INPP4B: variants seen among roughly 807,000 people sequenced by gnomAD.
The protein encoded by INPP4B is inositol polyphosphate 4-phosphatase type II.
INPP4B carries 55 observed loss-of-function variants against 122.5 expected under a neutral mutation model. The ratio of observed to expected loss-of-function variants is 0.45; its 90% CI spans 0.36 to 0.56. INPP4B has a LOEUF of 0.56. Ranked by LOEUF, INPP4B falls within the 20% of genes least tolerant of loss-of-function variation. The probability of loss-of-function intolerance (pLI) is 0.00; values close to 1 mark genes in which losing one functional copy is unlikely to be tolerated. For synonymous variants in INPP4B, 403 were observed against 388.7 expected, an observed-to-expected ratio of 1.04 and a Z score of -0.43; for missense variants, 1,000 against 1,097.7, an observed-to-expected ratio of 0.91 and a Z score of 1.26.
intron 5 of INPP4B, among the ~76,000 whole-genome samples, chr4:142,410,171 C>A (rs1433276522): frequency 6.6e-6 from 1 of 152,154 alleles, no homozygotes; most frequent in African/African-American, 2.4e-5. Context: ...CACAACTGTT[C>A]ATTCAGGTGC....
At chr4:142,233,775 T>C (rs1475321544) in intron 12 of INPP4B, among the ~76,000 whole-genome samples, 1 of 152,030 alleles carries the variant, frequency 6.6e-6, no homozygotes, top group Non-Finnish European at 1.5e-5. Context: ...ATTTAATTCT[T>C]ACATTATGGT....
intron 10 of INPP4B, among the ~76,000 whole-genome samples, chr4:142,263,117 C>T (rs183238960): frequency 3.3e-5 from 5 of 152,264 alleles, no homozygotes; most frequent in Admixed American, 1.3e-4. Context: ...AAGCCTCTCC[C>T]GTGCCTCACT....
chr4:142,213,118 G>A (rs1232261476), intron 12 of INPP4B, among the ~76,000 whole-genome samples: 2 of 152,156 alleles, frequency 1.3e-5, no homozygotes, highest in African/African-American at 4.8e-5. Context: ...CATATCATTG[G>A]ATTAGGCATT....
chr4:142,192,094 A>T (rs888747637), intron 15 of INPP4B, among the ~76,000 whole-genome samples: 1 of 151,964 alleles, frequency 6.6e-6, no homozygotes, highest in Non-Finnish European at 1.5e-5. Flanking sequence ...ATCAACTGTG[A>T]CTAAAGAATG....
chr4:142,042,863 T>C, intron 25 of INPP4B, among the ~76,000 whole-genome samples: 1 of 152,028 alleles, frequency 6.6e-6, no homozygotes, highest in East Asian at 1.9e-4. Context: ...GCCCAGACGA[T>C]TCTATTAGGG....
At chr4:142,382,817 T>A (rs903836579) in intron 7 of INPP4B, among the ~76,000 whole-genome samples, 82 of 151,258 alleles carry the variant, frequency 5.4e-4, no homozygotes, top group African/African-American at 1.6e-3. Flanking sequence ...GAAATAATTT[T>A]GTGTACTCCT....
rs114784310 is a variant in INPP4B, at chr4:142,150,187, C to A, written c.1564-4191G>T. Among the ~76,000 whole-genome samples the A allele has an allele frequency of 5.2e-3, 786 of 152,330 alleles. 10 individuals carry two copies. The highest frequency in any genetic ancestry group is 0.018 in the African/African-American group (748 of 41,564). On this transcript the variant is annotated intron_variant, in intron 17 of 25. Transcript: ENST00000262992. ...TGCTGGTATGAGGCTAGGGCCTACT[C>A]TTCTTTCTTCTCTACTAAAATCACA...
intron 1 of INPP4B, among the ~76,000 whole-genome samples, chr4:142,754,433 T>C (rs1290495402): frequency 6.6e-6 from 1 of 152,030 alleles, no homozygotes; most frequent in Admixed American, 6.6e-5. Context: ...CTGCTTTTTC[T>C]TTCATTCTGT....
At chr4:142,641,445 T>C (rs945047884) in intron 2 of INPP4B, among the ~76,000 whole-genome samples, 3 of 122,228 alleles carry the variant, frequency 2.5e-5, no homozygotes, top group Non-Finnish European at 3.4e-5. Flanking sequence ...ACAGGCCCCG[T>C]TGTGTGATGT....
In INPP4B at chr4:142,192,994, T is replaced by A. The variant is rs1836648778; in HGVS notation, c.1181+93A>T. 29 of 723,864 alleles carry A rather than the reference T, an allele frequency of 4.0e-5. No homozygotes were observed. In the South Asian group the frequency reaches 4.9e-4, roughly 12 times the overall value. The allele number at this position is 723,864 out of a possible 1,614,324, so 44.8% of individuals were successfully genotyped here. A position where few individuals can be genotyped will look rare whatever the true frequency, so the allele number is the denominator to read the frequency against. On this transcript the variant is annotated intron_variant, in intron 15 of 25. Coordinates refer to ENST00000262992, the MANE Select transcript of INPP4B (RefSeq NM_001101669.3). Reference sequence around the variant, plus strand: ...AAATAGGTTAAGATGTCAAGAACTATACATTGTGATGGACCAATCACCTTG... The same window carrying A: ...AAATAGGTTAAGATGTCAAGAACTAAACATTGTGATGGACCAATCACCTTG...
chr4:142,090,619 T>G (rs1034528428), intron 23 of INPP4B, among the ~76,000 whole-genome samples: 4 of 152,166 alleles, frequency 2.6e-5, no homozygotes, highest in Non-Finnish European at 5.9e-5. Flanking sequence ...CCAAAGAGTC[T>G]TGCTTTTGCT....
Position 142,690,395 on chromosome 4 carries a change from C to T in INPP4B, c.-191+35444G>A, listed in dbSNP as rs193168717. 1.1e-4 allele frequency among the ~76,000 whole-genome samples: 17 copies of T among 152,276 alleles called. No individual in the cohort carries two copies. In the East Asian group the frequency reaches 1.2e-3, roughly 10 times the overall value. ...GAAAAAGACATATGAAGACAGACAA[C>T]ATATTTTTATAGAAATGTAAAAGCC... is the stretch of plus-strand genomic sequence containing the variant. On this transcript the variant is annotated intron_variant, in intron 2 of 25. Transcript: ENST00000262992.
At chr4:142,074,587 A>G (rs993458933) in intron 25 of INPP4B, among the ~76,000 whole-genome samples, 2 of 152,082 alleles carry the variant, frequency 1.3e-5, no homozygotes, top group Admixed American at 1.3e-4. Context: ...TGTCTATTAC[A>G]CTATTGTTGG....
chr4:142,113,689 C>A (rs1032924232), intron 21 of INPP4B, among the ~76,000 whole-genome samples: 2 of 151,852 alleles, frequency 1.3e-5, no homozygotes, highest in Admixed American at 6.6e-5. Context: ...GCTCTCAATG[C>A]CATTTACAAT....
intron 22 of INPP4B, among the ~76,000 whole-genome samples, chr4:142,110,251 T>C (rs1320996569): frequency 1.3e-5 from 2 of 152,046 alleles, no homozygotes; most frequent in Admixed American, 1.3e-4. Context: ...ATAGGGAGAA[T>C]GTGGTCAGTT....
chr4:142,681,908 A>G lies in INPP4B; in HGVS notation c.-191+43931T>C, dbSNP rs149264781. 6.1e-4 allele frequency among the ~76,000 whole-genome samples: 93 copies of G among 151,982 alleles called. 2 individuals are homozygous for G. In the East Asian group the frequency reaches 0.018, roughly 29 times the overall value. ...TGCTGTCTATGCTTTACCATATTTCATTATGTATACTTACCTAAAATTCAT... is the reference window on the plus strand; with the variant it reads ...TGCTGTCTATGCTTTACCATATTTCGTTATGTATACTTACCTAAAATTCAT... On this transcript the variant is annotated intron_variant, in intron 2 of 25. Coordinates refer to ENST00000262992, the MANE Select transcript of INPP4B (RefSeq NM_001101669.3).
At chr4:142,398,020 A>T (rs946387678) in intron 7 of INPP4B, among the ~76,000 whole-genome samples, 23 of 151,698 alleles carry the variant, frequency 1.5e-4, no homozygotes, top group Non-Finnish European at 2.5e-4. Flanking sequence ...TAGAATACCA[A>T]TTTTTTCATC....
At chr4:142,779,063 A>T (rs1216430702) in intron 1 of INPP4B, among the ~76,000 whole-genome samples, 1 of 152,036 alleles carries the variant, frequency 6.6e-6, no homozygotes, top group Admixed American at 6.6e-5. Context: ...GTAACTTTCC[A>T]TATGCATAAA....
chr4:142,783,804 G>A (rs1775284884), intron 1 of INPP4B, among the ~76,000 whole-genome samples: 1 of 151,964 alleles, frequency 6.6e-6, no homozygotes, highest in Admixed American at 6.6e-5. Context: ...TATTGAGGTG[G>A]GTTAAGCACC....
Sources: allele counts gnomAD v4.1 joint callset (sites outside exome capture counted in the v4.1 genomes callset), GRCh38; gene constraint gnomAD v4.1.1; transcripts MANE v1.5; gene names NCBI Gene and HGNC (gene_info 2026-07-23, HGNC 2026-07-21).